The following STPG4 variants were observed in gnomAD, a reference collection of about 807,000 sequenced individuals.
The protein encoded by STPG4 is sperm-tail PG-rich repeat containing 4.
Under a neutral mutation model 31.5 loss-of-function variants are expected in STPG4, and 41 were observed. The ratio of observed to expected loss-of-function variants is 1.30; its 90% confidence interval spans 1.01 to 1.69. The LOEUF (loss-of-function observed/expected upper bound fraction) is 1.69. Ranked by LOEUF, STPG4 falls within the 40% of genes most tolerant of loss-of-function variation. The pLI, the probability that STPG4 is intolerant of heterozygous loss-of-function variation, is 0.00. For missense variants in STPG4, 375 were observed against 293.4 expected (o/e 1.28, Z -2.03); for synonymous variants, 141 against 103.0 (o/e 1.37, Z -2.24).
intron 5 of STPG4, among the ~76,000 whole-genome samples, chr2:47,116,246 T>C (rs1686150921): frequency 6.6e-6 from 1 of 152,186 alleles, no homozygotes; most frequent in Non-Finnish European, 1.5e-5. Flanking sequence ...TAAGAGGTGA[T>C]TAGGCCCCTA....
At chr2:47,099,595 C>T (rs1047885075) in intron 5 of STPG4, among the ~76,000 whole-genome samples, 2 of 152,286 alleles carry the variant, frequency 1.3e-5, no homozygotes, top group Admixed American at 6.5e-5. Context: ...CTCGCTCGCT[C>T]TCGGCGCCTC....
chr2:47,123,058 T>C (rs533189706), intron 5 of STPG4, among the ~76,000 whole-genome samples: 2 of 152,344 alleles, frequency 1.3e-5, no homozygotes, highest in East Asian at 3.9e-4. Context: ...ACTCCTGACC[T>C]CAAATGATGC....
chr2:47,148,659 T>C (rs1686875330), intron 3 of STPG4, among the ~76,000 whole-genome samples: 1 of 152,164 alleles, frequency 6.6e-6, no homozygotes, highest in Non-Finnish European at 1.5e-5. Context: ...TAGGTATATC[T>C]CCTAATGCTA....
intron 5 of STPG4, among the ~76,000 whole-genome samples, chr2:47,114,295 C>G (rs548481932): frequency 2.6e-5 from 4 of 151,366 alleles, no homozygotes; most frequent in Non-Finnish European, 5.9e-5. Context: ...GCTTGAGGCC[C>G]GGAGTTCGAG....
intron 5 of STPG4, among the ~76,000 whole-genome samples, chr2:47,117,237 T>C (rs965887813): frequency 9.9e-5 from 15 of 152,198 alleles, no homozygotes; most frequent in African/African-American, 3.6e-4. Context: ...GAGAAGGACT[T>C]TCGCTCTTGT....
In STPG4 at chr2:47,133,213, G is replaced by C. The variant is rs1348191496; in HGVS notation, c.400-2953C>G. Among the ~76,000 whole-genome samples the C allele has an allele frequency of 6.6e-5, 10 of 151,928 alleles. No homozygotes were observed. The East Asian group carries it at 1.9e-3, about 29-fold the overall frequency. On this transcript the variant is annotated intron_variant, in intron 3 of 6. Coordinates refer to ENST00000445927, the MANE Select transcript of STPG4 (RefSeq NM_001163561.2). ...GACAGGGCCTTGCTCTGTCACCCAGGCTGGAATGCAGTGGCGCAACCATAG... is the reference window on the plus strand; with the variant it reads ...GACAGGGCCTTGCTCTGTCACCCAGCCTGGAATGCAGTGGCGCAACCATAG...
At chr2:47,151,186 CG>C (rs1686927279) in intron 3 of STPG4, 71 bp downstream of exon 3, 4 of 1,543,214 alleles carry the variant, frequency 2.6e-6, no homozygotes, top group Admixed American at 1.9e-5. Context: ...ATATACTCTA[CG>C]TATAAAAATA....
rs115566026 is a variant in STPG4 at position 47,093,520 on chromosome 2, G to A, written c.520-3146C>T. Among the ~76,000 whole-genome samples the A allele has an allele frequency of 3.4e-3, 514 of 152,282 alleles. 4 individuals are homozygous for A. Among genetic ancestry groups the A allele is most frequent in the African/African-American group, 0.012 (493 of 41,566 alleles). On this transcript the variant is annotated intron_variant, in intron 5 of 6. Transcript: ENST00000445927. Reference sequence around the variant, plus strand: ...GGGCAAGAGATGATGCTGAGTGTGCGACCATTGATTCCACACCTATGATGG... The same window carrying A: ...GGGCAAGAGATGATGCTGAGTGTGCAACCATTGATTCCACACCTATGATGG...
chr2:47,130,030 T>A, intron 4 of STPG4, 35 bp from the exon 5 acceptor site: 1 of 1,505,812 alleles, frequency 6.6e-7, no homozygotes. Context: ...AGTGATTTTC[T>A]AAATCTATTT....
At chr2:47,155,065 G>T in intron 1 of STPG4, 106 bp downstream of exon 1, 1 of 1,022,186 alleles carries the variant, frequency 9.8e-7, no homozygotes, top group South Asian at 1.4e-5. Flanking sequence ...GTAGGAAGAG[G>T]GAACGAGAGC....
At chr2:47,111,823 G>A (rs11685529) in intron 5 of STPG4, among the ~76,000 whole-genome samples, 5 of 152,076 alleles carry the variant, frequency 3.3e-5, no homozygotes, top group Non-Finnish European at 5.9e-5. Context: ...CGAAAATAAC[G>A]TAAATAGCCA....
intron 5 of STPG4, among the ~76,000 whole-genome samples, chr2:47,113,859 C>A (rs1686089998): frequency 6.6e-6 from 1 of 151,624 alleles, no homozygotes; most frequent in African/African-American, 2.4e-5. Context: ...ATGGTGAAAC[C>A]CCGTCTCTAC....
intron 3 of STPG4, among the ~76,000 whole-genome samples, chr2:47,143,398 G>A (rs1225881836): frequency 6.6e-6 from 1 of 151,896 alleles, no homozygotes; most frequent in Non-Finnish European, 1.5e-5. Context: ...TTATTCCTCT[G>A]TAATTATTTA....
At chr2:47,122,465 C>T (rs2103769962) in intron 5 of STPG4, among the ~76,000 whole-genome samples, 1 of 152,086 alleles carries the variant, frequency 6.6e-6, no homozygotes, top group East Asian at 1.9e-4. Context: ...TCAAAAGTAT[C>T]AAATTTTTTA....
chr2:47,134,836 T>C (rs899353270), intron 3 of STPG4, among the ~76,000 whole-genome samples: 14 of 152,196 alleles, frequency 9.2e-5, no homozygotes, highest in Non-Finnish European at 7.3e-5. Context: ...TGAATGAGAG[T>C]TCCTGTTGCT....
intron 5 of STPG4, among the ~76,000 whole-genome samples, chr2:47,092,790 C>A (rs1164037899): frequency 1.1e-5 from 1 of 91,584 alleles, no homozygotes; most frequent in African/African-American, 3.8e-5. Context: ...GCAGACCCTC[C>A]ACGGTTCTGT....
intron 5 of STPG4, among the ~76,000 whole-genome samples, chr2:47,098,944 C>G (rs1446622229): frequency 1.3e-5 from 2 of 152,116 alleles, no homozygotes; most frequent in East Asian, 3.9e-4. Flanking sequence ...GTCATATACG[C>G]TGGTGGATGG....
At chr2:47,114,759 A>C (rs1458490652) in intron 5 of STPG4, among the ~76,000 whole-genome samples, 1 of 151,314 alleles carries the variant, frequency 6.6e-6, no homozygotes, top group Non-Finnish European at 1.5e-5. Flanking sequence ...TCATCCAACA[A>C]TACATTTTTT....
At position 47,105,230 on chromosome 2, in the gene STPG4, C is replaced by T. The variant is rs973632165; in HGVS notation, c.520-14856G>A. ...CAGACTCATGGGACAACCCCACAAC[C>T]GGTGGCATACCTAAGTAAGGAAACT... On this transcript the variant is annotated intron_variant, in intron 5 of 6. Transcript: ENST00000445927. Among the ~76,000 whole-genome samples, 6 of 151,954 alleles carry T rather than the reference C, an allele frequency of 3.9e-5. 1 individual carries two copies. Among genetic ancestry groups the T allele is most frequent in the African/African-American group, 1.5e-4 (6 of 41,222 alleles).
Sources: gnomAD v4.1 joint callset for allele counts (sites outside exome capture counted in the v4.1 genomes callset) on GRCh38, gnomAD v4.1.1 for gene constraint, MANE v1.5 for transcripts, NCBI Gene and HGNC (gene_info 2026-07-23, HGNC 2026-07-21) for gene names.